NEGR1: variants seen among roughly 807,000 people sequenced by gnomAD.
NEGR1 encodes IgLON family member 4.
Under a neutral mutation model 40.9 loss-of-function variants are expected in NEGR1, and 10 were observed. The observed-to-expected ratio is 0.24, with a 90% CI of 0.15 to 0.42. The LOEUF is 0.42. NEGR1 is among the 10% of genes least tolerant of loss of function. NEGR1 has a pLI of 1.00. For missense variants in NEGR1, 352 were observed against 438.9 expected (o/e 0.80, Z 1.77); for synonymous variants, 185 against 166.8 (o/e 1.11, Z -0.84).
intron 4 of NEGR1, among the ~76,000 whole-genome samples, chr1:71,655,756 A>G (rs1367485284): frequency 6.6e-6 from 1 of 152,166 alleles, no homozygotes. Context: ...ACAGTCTAGA[A>G]GATACTGAGA....
intron 6 of NEGR1, among the ~76,000 whole-genome samples, chr1:71,434,465 C>T (rs182535247): frequency 4.6e-5 from 7 of 152,222 alleles, no homozygotes; most frequent in Admixed American, 4.6e-4. Flanking sequence ...TGAGTATCTG[C>T]TTAATACACT....
intron 3 of NEGR1, among the ~76,000 whole-genome samples, chr1:71,772,506 G>A (rs908010248): frequency 3.9e-5 from 6 of 151,970 alleles, no homozygotes; most frequent in Admixed American, 3.3e-4. Flanking sequence ...AAACTGTTAT[G>A]TCAAATACAT....
intron 1 of NEGR1, among the ~76,000 whole-genome samples, chr1:72,216,489 T>C (rs1315058331): frequency 6.7e-6 from 1 of 149,196 alleles, no homozygotes; most frequent in African/African-American, 2.4e-5. Context: ...TTATGAATAA[T>C]CATTTTTAAA....
At chr1:72,072,735 T>C (rs1359357207) in intron 1 of NEGR1, among the ~76,000 whole-genome samples, 1 of 120,380 alleles carries the variant, frequency 8.3e-6, no homozygotes, top group African/African-American at 2.9e-5. Context: ...AGCTTGATTC[T>C]CAGCACTCCC....
chr1:71,605,381 T>C (rs2101536361), intron 5 of NEGR1, among the ~76,000 whole-genome samples: 1 of 152,202 alleles, frequency 6.6e-6, no homozygotes, highest in East Asian at 1.9e-4. Flanking sequence ...GGATTTGAGG[T>C]AATCTAGAAA....
At chr1:71,452,983 GT>G (rs1480775383) in intron 6 of NEGR1, among the ~76,000 whole-genome samples, 4 of 152,064 alleles carry the variant, frequency 2.6e-5, no homozygotes, top group African/African-American at 9.7e-5. Flanking sequence ...GAATACATAA[GT>G]TTTATTTCTA....
At chr1:71,655,784 A>G (rs1242778376) in intron 4 of NEGR1, among the ~76,000 whole-genome samples, 1 of 152,124 alleles carries the variant, frequency 6.6e-6, no homozygotes, top group Non-Finnish European at 1.5e-5. Context: ...TATGCAAATG[A>G]TTGTCTCATT....
chr1:72,016,841 A>C (rs955718371), intron 1 of NEGR1, among the ~76,000 whole-genome samples: 5 of 152,194 alleles, frequency 3.3e-5, no homozygotes, highest in Non-Finnish European at 7.4e-5. Context: ...AATCCAGTTA[A>C]TTACAATTTC....
chr1:71,775,984 C>T (rs917949513), intron 3 of NEGR1, among the ~76,000 whole-genome samples, 188 bp downstream of exon 3: 1 of 145,518 alleles, frequency 6.9e-6, no homozygotes, highest in Non-Finnish European at 1.5e-5. Context: ...CAGAGTAAGA[C>T]TCTGTCTCAA....
chr1:72,186,522 A>G (rs151302403), intron 1 of NEGR1, among the ~76,000 whole-genome samples: 395 of 151,666 alleles, frequency 2.6e-3, no homozygotes, highest in African/African-American at 8.7e-3. Context: ...ACCAATGCTA[A>G]AGTCTCAGTT....
At chr1:71,624,197 A>G (rs1650696074) in intron 4 of NEGR1, among the ~76,000 whole-genome samples, 1 of 151,966 alleles carries the variant, frequency 6.6e-6, no homozygotes, top group South Asian at 2.1e-4. Context: ...AAACATTTCT[A>G]AGTCTTGAGA....
At chr1:71,720,842 T>C (rs1171222614) in intron 3 of NEGR1, among the ~76,000 whole-genome samples, 4 of 152,188 alleles carry the variant, frequency 2.6e-5, no homozygotes, top group African/African-American at 9.6e-5. Context: ...GTGAGCATTA[T>C]TTATGATCCT....
intron 1 of NEGR1, among the ~76,000 whole-genome samples, chr1:71,997,364 C>T (rs1646513834): frequency 6.6e-6 from 1 of 151,956 alleles, no homozygotes; most frequent in East Asian, 1.9e-4. Context: ...TGTTGTAGTC[C>T]AAAGTGTAAA....
At chr1:72,086,054 A>G (rs753316406) in intron 1 of NEGR1, among the ~76,000 whole-genome samples, 1 of 151,960 alleles carries the variant, frequency 6.6e-6, no homozygotes, top group Admixed American at 6.6e-5. Context: ...AAAGCTTACT[A>G]GAGCAAAATG....
At chr1:72,137,238 A>G (rs1650501270) in intron 1 of NEGR1, among the ~76,000 whole-genome samples, 1 of 152,162 alleles carries the variant, frequency 6.6e-6, no homozygotes, top group African/African-American at 2.4e-5. Flanking sequence ...CAGCAATCCC[A>G]TTACTGGGTA....
intron 1 of NEGR1, among the ~76,000 whole-genome samples, chr1:72,002,316 T>TA (rs561596268): frequency 2.6e-5 from 4 of 151,960 alleles, no homozygotes; most frequent in Non-Finnish European, 4.4e-5. Context: ...TGTTATAAAA[T>TA]AAAAAAAATT....
chr1:71,450,094 G>A (rs1371477774), intron 6 of NEGR1, among the ~76,000 whole-genome samples: 2 of 151,532 alleles, frequency 1.3e-5, no homozygotes, highest in South Asian at 2.1e-4. Context: ...GGGTTCAAGC[G>A]ATTATCCTGC....
intron 6 of NEGR1, among the ~76,000 whole-genome samples, chr1:71,419,703 T>A (rs1173343384): frequency 6.6e-6 from 1 of 152,152 alleles, no homozygotes; most frequent in Non-Finnish European, 1.5e-5. Flanking sequence ...CGGTTCTTAT[T>A]TTTTATTATG....
At chr1:71,804,978 G>A (rs956982074) in intron 2 of NEGR1, among the ~76,000 whole-genome samples, 21 of 152,278 alleles carry the variant, frequency 1.4e-4, no homozygotes, top group African/African-American at 4.8e-4. Flanking sequence ...TCCCTGAGAA[G>A]GAGAATGCAT....
Sources: gnomAD v4.1 joint callset for allele counts (sites outside exome capture counted in the v4.1 genomes callset) on GRCh38, gnomAD v4.1.1 for gene constraint, MANE v1.5 for transcripts, NCBI Gene and HGNC (gene_info 2026-07-23, HGNC 2026-07-21) for gene names.